DENND1A: variants seen among roughly 807,000 people sequenced by gnomAD.
The protein encoded by DENND1A is DENN domain-containing protein 1A.
DENND1A carries 51 observed loss-of-function variants against 113.7 expected under a neutral mutation model. The ratio of observed to expected loss-of-function variants is 0.45; its 90% CI spans 0.36 to 0.57. DENND1A has a LOEUF of 0.57. Ranked by LOEUF, DENND1A falls within the 20% of genes least tolerant of loss-of-function variation. DENND1A has a pLI of 0.00. For missense variants in DENND1A, 1,258 were observed against 1,395.9 expected (o/e 0.90, Z 1.57); for synonymous variants, 565 against 570.8 (o/e 0.99, Z 0.14).
intron 19 of DENND1A, chr9:123,414,411 A>G (rs894418532): frequency 1.4e-6 from 2 of 1,441,480 alleles, no homozygotes; most frequent in South Asian, 3.0e-5. Context: ...ATGTCCACCC[A>G]GTCTTGGCAC....
At chr9:123,608,392 G>A (rs1245947379) in intron 11 of DENND1A, among the ~76,000 whole-genome samples, 1 of 152,128 alleles carries the variant, frequency 6.6e-6, no homozygotes, top group Non-Finnish European at 1.5e-5. Context: ...TTCAAGACAT[G>A]CAAAGCACCA....
chr9:123,656,932 C>T (rs2062979683), intron 8 of DENND1A, among the ~76,000 whole-genome samples: 1 of 152,204 alleles, frequency 6.6e-6, no homozygotes, highest in Non-Finnish European at 1.5e-5. Flanking sequence ...GGAGTTTAAA[C>T]ATTATTTCAG....
rs140285971 is a variant in DENND1A, at chr9:123,892,274, G to A, written c.18-13253C>T. 7.2e-3 allele frequency among the ~76,000 whole-genome samples: 1,091 copies of A among 152,262 alleles called. 4 individuals carry two copies. The highest frequency in any genetic ancestry group is 0.016 in the South Asian group (75 of 4,818). ...GGAAAACTCATGTTCATGGTGCATT[G>A]GATAGAGTACACAATAGAGTATTAC... On this transcript the variant is annotated intron_variant, in intron 1 of 23. Coordinates refer to ENST00000394215, the MANE Select transcript of DENND1A (RefSeq NM_001352964.2).
chr9:123,548,852 T>C (rs2056871072), intron 13 of DENND1A, among the ~76,000 whole-genome samples: 1 of 152,194 alleles, frequency 6.6e-6, no homozygotes, highest in South Asian at 2.1e-4. Flanking sequence ...ATGAACTATC[T>C]AGAATAGGCA....
intron 21 of DENND1A, among the ~76,000 whole-genome samples, chr9:123,391,761 G>GAAAAAAA (rs5900572): frequency 1.5e-4 from 17 of 110,374 alleles, no homozygotes; most frequent in East Asian, 8.0e-4. Context: ...GGCAGAATAT[G>GAAAAAAA]AAAAAAAAAA....
intron 21 of DENND1A, chr9:123,401,962 T>C (rs750369834): frequency 6.2e-7 from 1 of 1,613,354 alleles, no homozygotes; most frequent in Non-Finnish European, 8.5e-7. Flanking sequence ...TCAACAGGCC[T>C]GTGACCCTGT....
intron 5 of DENND1A, among the ~76,000 whole-genome samples, chr9:123,694,685 C>T (rs1022908774): frequency 6.6e-6 from 1 of 151,764 alleles, no homozygotes; most frequent in Non-Finnish European, 1.5e-5. Context: ...ACATCAAAAT[C>T]TCAATTGGAT....
chr9:123,788,399 A>G (rs1023741652), intron 3 of DENND1A, among the ~76,000 whole-genome samples: 1 of 152,120 alleles, frequency 6.6e-6, no homozygotes, highest in African/African-American at 2.4e-5. Context: ...TGGGATTTTG[A>G]TGAGAGTGGT....
intron 12 of DENND1A, among the ~76,000 whole-genome samples, chr9:123,566,036 G>A (rs528249491): frequency 6.6e-6 from 1 of 152,258 alleles, no homozygotes; most frequent in South Asian, 2.1e-4. Flanking sequence ...CCACTACACA[G>A]ATGAGGAAAG....
intron 21 of DENND1A, among the ~76,000 whole-genome samples, chr9:123,393,065 TG>T (rs2042937094): frequency 6.6e-6 from 1 of 152,268 alleles, no homozygotes; most frequent in Non-Finnish European, 1.5e-5. Flanking sequence ...TGCTGATTGA[TG>T]GGCCTTTGGG....
intron 2 of DENND1A, among the ~76,000 whole-genome samples, chr9:123,799,390 T>G (rs7026650): frequency 6.6e-6 from 1 of 152,122 alleles, no homozygotes; most frequent in African/African-American, 2.4e-5. Flanking sequence ...TGTTGATAAA[T>G]AAGACACAGT....
intron 9 of DENND1A, among the ~76,000 whole-genome samples, chr9:123,631,961 A>G (rs1207201427): frequency 6.6e-6 from 1 of 152,116 alleles, no homozygotes; most frequent in Non-Finnish European, 1.5e-5. Context: ...TTTTTCTTTA[A>G]TGTTTCTTTG....
chr9:123,402,321 G>C (rs2043548607), intron 21 of DENND1A, among the ~76,000 whole-genome samples: 1 of 152,130 alleles, frequency 6.6e-6, no homozygotes, highest in South Asian at 2.1e-4. Flanking sequence ...TGTCTGGGTG[G>C]GCTGGTTCCT....
chr9:123,694,070 G>A (rs2140454242), intron 5 of DENND1A, among the ~76,000 whole-genome samples: 1 of 151,792 alleles, frequency 6.6e-6, no homozygotes, highest in East Asian at 1.9e-4. Context: ...TCTTGACCTT[G>A]TGATATGCCT....
chr9:123,717,208 A>G (rs1449194931), intron 5 of DENND1A, among the ~76,000 whole-genome samples: 1 of 152,192 alleles, frequency 6.6e-6, no homozygotes, highest in Non-Finnish European at 1.5e-5. Context: ...TAGTAAACTG[A>G]GGGACAAAGA....
intron 4 of DENND1A, among the ~76,000 whole-genome samples, chr9:123,769,010 G>C (rs1829297974): frequency 6.6e-6 from 1 of 151,850 alleles, no homozygotes. Context: ...TTTTCCCAGA[G>C]ATACCATTCT....
intron 2 of DENND1A, among the ~76,000 whole-genome samples, chr9:123,793,573 G>A (rs1833326891): frequency 6.6e-6 from 1 of 152,002 alleles, no homozygotes; most frequent in African/African-American, 2.4e-5. Context: ...TAGATTTGAG[G>A]GTCTCCCGTC....
At chr9:123,929,334 C>A (rs79159838) in intron 1 of DENND1A, among the ~76,000 whole-genome samples, 1 of 152,270 alleles carries the variant, frequency 6.6e-6, no homozygotes. Flanking sequence ...GACCTTGCTG[C>A]GTGGAGATTT....
chr9:123,863,607 A>C (rs1443412865), intron 2 of DENND1A, among the ~76,000 whole-genome samples: 1 of 152,218 alleles, frequency 6.6e-6, no homozygotes, highest in Non-Finnish European at 1.5e-5. Context: ...TAAAAAAAAA[A>C]AAAACAACTT....
Sources: gnomAD v4.1 joint callset for allele counts (sites outside exome capture counted in the v4.1 genomes callset) on GRCh38, gnomAD v4.1.1 for gene constraint, MANE v1.5 for transcripts, NCBI Gene and HGNC (gene_info 2026-07-23, HGNC 2026-07-21) for gene names.